The following MTCP1 variants were observed in gnomAD, a reference collection of about 807,000 sequenced individuals.
MTCP1 encodes protein p13 MTCP-1.
A neutral mutation model predicts 10.6 loss-of-function variants in MTCP1; 2 were observed. The ratio of observed to expected loss-of-function variants is 0.19; its 90% CI spans 0.08 to 0.59. The LOEUF (loss-of-function observed/expected upper bound fraction) is 0.59. Ranked by LOEUF, MTCP1 falls within the 20% of genes least tolerant of loss-of-function variation. MTCP1 has a pLI of 0.90. For missense variants in MTCP1, 33 were observed against 91.5 expected, an observed-to-expected ratio of 0.36 and a Z score of 2.61; for synonymous variants, 29 against 34.4, an observed-to-expected ratio of 0.84 and a Z score of 0.55.
rs782179292 is a variant in MTCP1, at chrX:155,065,956, C to T, written c.55G>A (p.Gly19Ser). 1 of 1,211,934 alleles carries T rather than the reference C, an allele frequency of 8.3e-7. No individual in the cohort carries two copies. Among genetic ancestry groups the T allele is most frequent in the Non-Finnish European group, 1.1e-6 (1 of 895,457 alleles). ...CGCTGGTATTCGTCGCGGTAGATAC[C>T]CTCTTGGTGAACCCAGAGGTGATCG... The part of the protein sequence containing the change: ...PPDHLWVHQE[G>S]IYRDEYQRTW... The change falls in exon 2 of 5, where the codon GGT becomes AGT. Residue 19 changes from glycine (G) to serine (S), a missense_variant. Gly to Ser is a moderately conservative substitution (Grantham distance 56). Transcript: ENST00000369476.
chrX:155,069,157 T>C (rs1319764958), intron 1 of MTCP1, among the ~76,000 whole-genome samples: 1 of 113,106 alleles, frequency 8.8e-6, no homozygotes, highest in Non-Finnish European at 1.9e-5. Flanking sequence ...TCATTTTTCC[T>C]TTACAGAATA....
At chrX:155,068,348 A>G (rs1456668296) in intron 1 of MTCP1, among the ~76,000 whole-genome samples, 1 of 112,587 alleles carries the variant, frequency 8.9e-6, no homozygotes, top group Non-Finnish European at 1.9e-5. Context: ...TCTCAGAAGA[A>G]AGGCAGTGTG....
Position 155,064,248 on chromosome X carries a change from GA to G in MTCP1, c.*1155del, listed in dbSNP as rs1330306072. ...TGGAAGATATAAATAGCTTTACATG[GA>G]AAAAAAACCTTGAATTCAATCAACT... On this transcript the variant is annotated 3_prime_UTR_variant, in exon 5 of 5. Coordinates refer to ENST00000369476, the MANE Select transcript of MTCP1 (RefSeq NM_001018025.4). The G allele has an allele frequency of 7.4e-6, 2 of 270,161 alleles. No individual in the cohort carries two copies. The highest frequency in any genetic ancestry group is 2.8e-5 in the African/African-American group (1 of 35,983). The allele number at this position is 270,161 out of a possible 1,213,427, so 22.3% of individuals were successfully genotyped here.
At chrX:155,068,001 G>A (rs1369142393) in intron 1 of MTCP1, among the ~76,000 whole-genome samples, 3 of 112,026 alleles carry the variant, frequency 2.7e-5, no homozygotes, top group African/African-American at 9.7e-5. Flanking sequence ...CTTTGGAAAA[G>A]AGAAATACAA....
chrX:155,066,439 C>T, intron 1 of MTCP1, among the ~76,000 whole-genome samples: 2 of 112,125 alleles, frequency 1.8e-5, no homozygotes. Context: ...CTTATTTTGG[C>T]AGGAAGGCAG....
chrX:155,070,379 G>C (rs1557292352), intron 1 of MTCP1, among the ~76,000 whole-genome samples: 1 of 112,087 alleles, frequency 8.9e-6, no homozygotes, highest in African/African-American at 3.2e-5. Context: ...ATCCACGTGT[G>C]ATTCCTAGAC....
intron 1 of MTCP1, among the ~76,000 whole-genome samples, chrX:155,068,847 C>T (rs1361230752): frequency 8.9e-6 from 1 of 112,616 alleles, no homozygotes; most frequent in Non-Finnish European, 1.9e-5. Flanking sequence ...TCTTTTAAAA[C>T]CTCAACATAG....
chrX:155,064,521 CTTTT>C lies in MTCP1; in HGVS notation c.*879_*882del, dbSNP rs201681750. 9.3e-6 allele frequency: 1 copy of C among 107,656 alleles called. No individual in the cohort carries two copies. The highest frequency in any genetic ancestry group is 2.9e-4 in the East Asian group (1 of 3,508). The allele number at this position is 107,656 out of a possible 1,213,427, so 8.9% of individuals were successfully genotyped here. A position where few individuals can be genotyped will look rare whatever the true frequency, so the allele number is the denominator to read the frequency against. The stretch of plus-strand genomic sequence containing the variant: ...TACATGGTAGCTATTATTCCCAAGA[CTTTT>C]TTTTTTAAAGTAAAACCTTACTTTT... On this transcript the variant is annotated 3_prime_UTR_variant, in exon 5 of 5. Transcript: ENST00000369476.
rs2073970646 is a variant in MTCP1, at chrX:155,070,799, C to G, written c.-153G>C. On this transcript the variant is annotated 5_prime_UTR_variant, in exon 1 of 5. Coordinates refer to ENST00000369476, the MANE Select transcript of MTCP1 (RefSeq NM_001018025.4). ...ACTCAAGCCAGGATCGCGACGTGAG[C>G]CCGGGGTGAGCCGAGGGGCATCCCG... is the stretch of plus-strand genomic sequence containing the variant. The G allele has an allele frequency of 8.9e-6, 1 of 112,766 alleles. No individual in the cohort carries two copies. The highest frequency in any genetic ancestry group is 3.6e-4 in the South Asian group (1 of 2,750). The allele number at this position is 112,766 out of a possible 1,213,427, so 9.3% of individuals were successfully genotyped here.
At chrX:155,066,614 T>C (rs2073949347) in intron 1 of MTCP1, among the ~76,000 whole-genome samples, 1 of 112,262 alleles carries the variant, frequency 8.9e-6, no homozygotes, top group Non-Finnish European at 1.9e-5. Flanking sequence ...ACTAAGAAAG[T>C]TTACAAATAG....
chrX:155,064,035 TAAAACAAG>T lies in MTCP1; in HGVS notation c.*1361_*1368del. ...TCCTTCTGCGGCATATCCAGAAAAC[TAAAACAAG>T]AAAAATGATTTTTATTTTTCTTTTT... On this transcript the variant is annotated 3_prime_UTR_variant, in exon 5 of 5. Coordinates refer to ENST00000369476, the MANE Select transcript of MTCP1 (RefSeq NM_001018025.4). The T allele has an allele frequency of 1.7e-6, 2 of 1,177,155 alleles. No individual in the cohort carries two copies. The highest frequency in any genetic ancestry group is 2.3e-6 in the Non-Finnish European group (2 of 882,482).
At chrX:155,067,154 T>G (rs2073952028) in intron 1 of MTCP1, among the ~76,000 whole-genome samples, 1 of 111,690 alleles carries the variant, frequency 9.0e-6, no homozygotes, top group African/African-American at 3.3e-5. Flanking sequence ...GGAGGGTGGT[T>G]GTTAGAGTCC....
chrX:155,066,811 T>C (rs1473907207), intron 1 of MTCP1, among the ~76,000 whole-genome samples: 1 of 111,715 alleles, frequency 9.0e-6, no homozygotes, highest in Non-Finnish European at 1.9e-5. Context: ...AGCCCATTTT[T>C]CCATAGAGGA....
At chrX:155,069,920 AT>A (rs1195799022) in intron 1 of MTCP1, among the ~76,000 whole-genome samples, 1 of 112,536 alleles carries the variant, frequency 8.9e-6, no homozygotes, top group Non-Finnish European at 1.9e-5. Context: ...TTCCTGCTCC[AT>A]GAGGACGGGG....
In MTCP1 at chrX:155,064,230, TATAA is replaced by T; in HGVS notation, c.*1170_*1173del. The T allele has an allele frequency of 3.3e-6, 1 of 300,150 alleles. No homozygotes were observed. Among genetic ancestry groups the T allele is most frequent in the Non-Finnish European group, 5.9e-6 (1 of 168,842 alleles). The allele number at this position is 300,150 out of a possible 1,213,427, so 24.7% of individuals were successfully genotyped here. On this transcript the variant is annotated 3_prime_UTR_variant, in exon 5 of 5. Transcript: ENST00000369476. ...TATCCATTTCATTAGGCTTGGAAGATATAAATAGCTTTACATGGAAAAAAAACCT... is the reference window on the plus strand; with the variant it reads ...TATCCATTTCATTAGGCTTGGAAGATATAGCTTTACATGGAAAAAAAACCT...
chrX:155,070,624 CAG>C (rs1349657534), intron 1 of MTCP1, 68 bp downstream of exon 1: 1 of 112,611 alleles, frequency 8.9e-6, no homozygotes, highest in Non-Finnish European at 1.9e-5. Flanking sequence ...TAGAAAGTAG[CAG>C]CAGCCAAGCT....
At chrX:155,068,992 G>A (rs2073959154) in intron 1 of MTCP1, among the ~76,000 whole-genome samples, 1 of 112,300 alleles carries the variant, frequency 8.9e-6, no homozygotes, top group Non-Finnish European at 1.9e-5. Flanking sequence ...TCCACTAGAA[G>A]AGATTGTCCC....
At chrX:155,069,186 T>C (rs1275579944) in intron 1 of MTCP1, among the ~76,000 whole-genome samples, 1 of 113,083 alleles carries the variant, frequency 8.8e-6, no homozygotes, top group Non-Finnish European at 1.9e-5. Flanking sequence ...TGTGTCTTTT[T>C]TAAAAAAGTA....
intron 1 of MTCP1, among the ~76,000 whole-genome samples, chrX:155,068,464 G>C (rs2073957282): frequency 8.9e-6 from 1 of 112,263 alleles, no homozygotes; most frequent in East Asian, 2.8e-4. Flanking sequence ...AGCATTCAGA[G>C]GGCATGCAGG....
Sources: allele counts gnomAD v4.1 joint callset (sites outside exome capture counted in the v4.1 genomes callset), GRCh38; gene constraint gnomAD v4.1.1; transcripts MANE v1.5; gene names NCBI Gene and HGNC (gene_info 2026-07-23, HGNC 2026-07-21).